Variants in LY9 observed in about 807,000 individuals in gnomAD.
The protein encoded by LY9 is lymphocyte antigen 9.
A neutral mutation model predicts 64.6 loss-of-function variants in LY9; 59 were observed. That is an observed-to-expected ratio of 0.91 (90% CI 0.74 to 1.13). LY9 has a LOEUF of 1.13. Ranked by LOEUF, LY9 falls within the 50% of genes most tolerant of loss-of-function variation. LY9 has a pLI of 0.00. For missense variants in LY9, 789 were observed against 797.2 expected (o/e 0.99, Z 0.12); for synonymous variants, 281 against 308.5 (o/e 0.91, Z 0.93).
At chr1:160,811,387 C>A (rs1026486934) in intron 2 of LY9, 3 of 152,186 alleles carry the variant, frequency 2.0e-5, no homozygotes, top group African/African-American at 7.2e-5. Context: ...AAGCCACAAT[C>A]TTTGTGTTCT....
At chr1:160,818,097 G>A in intron 5 of LY9, 121 bp from the exon 6 acceptor site, 2 of 680,868 alleles carry the variant, frequency 2.9e-6, no homozygotes, top group Middle Eastern at 5.0e-4. Context: ...TGAAAAGAAA[G>A]ACTTTCCACA....
At chr1:160,811,507 C>T (rs1265847583) in intron 2 of LY9, 1 of 152,234 alleles carries the variant, frequency 6.6e-6, no homozygotes. Context: ...CTCTCTCTCT[C>T]TTCTCACATT....
Position 160,816,804 on chromosome 1 carries a change from C to T in LY9, c.1283C>T (p.Thr428Ile), listed in dbSNP as rs771661917. 51 of 1,614,256 alleles carry T rather than the reference C, an allele frequency of 3.2e-5. No homozygotes were observed. The highest frequency in any genetic ancestry group is 4.2e-5 in the Non-Finnish European group (50 of 1,180,042). The stretch of plus-strand genomic sequence containing the variant: ...GAAAATCACCCCAACCTCACATGCA[C>T]AGCCAGCAACCCTGTCAGCAGGAGT... ...SSENHPNLTC[T>I]ASNPVSRSSH... The change falls in exon 5 of 10, where the codon ACA (threonine) becomes ATA (isoleucine). Residue 428 changes from threonine to isoleucine, a missense_variant. Coordinates refer to ENST00000263285, the MANE Select transcript of LY9 (RefSeq NM_002348.4).
At chr1:160,823,369 C>A in intron 7 of LY9, 96 bp from the exon 8 acceptor site, 1 of 872,488 alleles carries the variant, frequency 1.1e-6, no homozygotes, top group Non-Finnish European at 1.8e-6. Context: ...TAGGCCTCAT[C>A]TAATGCAGGC....
intron 6 of LY9, 75 bp downstream of exon 6, chr1:160,818,394 C>G (rs1035204799): frequency 1.8e-6 from 2 of 1,086,276 alleles, no homozygotes; most frequent in African/African-American, 3.1e-5. Flanking sequence ...TCTCTGCCCT[C>G]ACACAATCCC....
intron 2 of LY9, chr1:160,811,782 T>G (rs889401696): frequency 6.6e-6 from 1 of 152,228 alleles, no homozygotes; most frequent in South Asian, 2.1e-4. Context: ...TGATCACATA[T>G]GTATATCTCT....
At chr1:160,809,227 C>T (rs1261209014) in intron 2 of LY9, among the ~76,000 whole-genome samples, 1 of 151,368 alleles carries the variant, frequency 6.6e-6, no homozygotes, top group Non-Finnish European at 1.5e-5. Flanking sequence ...ACTACATCAC[C>T]TAGGCTTGCC....
intron 7 of LY9, among the ~76,000 whole-genome samples, chr1:160,821,956 A>G (rs1668488936): frequency 6.6e-6 from 1 of 152,214 alleles, no homozygotes; most frequent in Non-Finnish European, 1.5e-5. Flanking sequence ...ACAAAAAATA[A>G]ATACGGATAG....
At chr1:160,821,165 A>AAAAAC (rs1553192084) in intron 7 of LY9, among the ~76,000 whole-genome samples, 4 of 150,188 alleles carry the variant, frequency 2.7e-5, no homozygotes, top group African/African-American at 1.0e-4. Context: ...AAAAAAAAAA[A>AAAAAC]AAAACCATAT....
intron 2 of LY9, among the ~76,000 whole-genome samples, chr1:160,803,582 G>T (rs1024134599): frequency 2.6e-5 from 4 of 152,008 alleles, no homozygotes; most frequent in African/African-American, 9.7e-5. Context: ...TTTCTTTCTT[G>T]ATTAAATAAT....
chr1:160,827,610 G>A (rs149062971), intron 9 of LY9, 138 bp from the exon 10 acceptor site: 249 of 589,458 alleles, frequency 4.2e-4, no homozygotes, highest in Middle Eastern at 1.9e-3. Context: ...GGTTGATTGC[G>A]CCATCCCTGG....
In LY9 at chr1:160,821,890, C is replaced by T. The variant is rs146043727; in HGVS notation, c.1499-1575C>T. 2.7e-3 allele frequency among the ~76,000 whole-genome samples: 414 copies of T among 152,318 alleles called. 8 individuals are homozygous for T. The South Asian group carries it at 0.039, about 14-fold the overall frequency. ...AAGACTAGCTGTAGTCAAATCCTGG[C>T]CCTACCACTTACTCGGGAAAATACT... On this transcript the variant is annotated intron_variant, in intron 7 of 9. Transcript: ENST00000263285.
chr1:160,797,345 TAGATGC>T, intron 1 of LY9: 1 of 920,094 alleles, frequency 1.1e-6, no homozygotes, highest in South Asian at 5.1e-5. Context: ...GAAACACTCC[TAGATGC>T]AGATATGGGT....
chr1:160,800,391 C>G (rs1666340437), intron 2 of LY9, among the ~76,000 whole-genome samples: 1 of 152,144 alleles, frequency 6.6e-6, no homozygotes, highest in Admixed American at 6.6e-5. Flanking sequence ...ATCTTTCCAC[C>G]ATCCACTTCC....
chr1:160,813,726 G>C lies in LY9; in HGVS notation c.545G>C (p.Gly182Ala), dbSNP rs1394609653. The C allele has an allele frequency of 1.2e-6, 2 of 1,613,994 alleles. No individual in the cohort carries two copies. The highest frequency in any genetic ancestry group is 2.7e-5 in the African/African-American group (2 of 74,898). ...CNITLMCSVK[G>A]AEKSVLYSWT... ...ATCACTCTAATGTGCTCCGTGAAGG[G>C]GGCAGAGAAAAGTGTTCTGTACAGC... The change falls in exon 3 of 10, where the codon GGG becomes GCG. Residue 182 changes from glycine (G) to alanine (A), a missense_variant. Transcript: ENST00000263285.
chr1:160,819,214 G>A (rs1668185654), intron 6 of LY9, 107 bp from the exon 7 acceptor site: 1 of 869,326 alleles, frequency 1.2e-6, no homozygotes, highest in Non-Finnish European at 2.0e-6. Context: ...CCTTTTCCCT[G>A]TCTATGTCCC....
chr1:160,807,458 A>G (rs1667084424), intron 2 of LY9, among the ~76,000 whole-genome samples: 1 of 152,204 alleles, frequency 6.6e-6, no homozygotes, highest in Non-Finnish European at 1.5e-5. Flanking sequence ...TGGTGGCAGC[A>G]TACCTATCTT....
chr1:160,813,564 C>T lies in LY9; in HGVS notation c.455-72C>T. Reference sequence around the variant, plus strand: ...GCTGCCCCCAACTCCCCTATTGTCACTCCCTTCTTCTCTCAGCGCTTTCCT... The same window carrying T: ...GCTGCCCCCAACTCCCCTATTGTCATTCCCTTCTTCTCTCAGCGCTTTCCT... On this transcript the variant is annotated intron_variant, in intron 2 of 9. Transcript: ENST00000263285. 3 of 1,490,698 alleles carry T rather than the reference C, an allele frequency of 2.0e-6. No individual in the cohort carries two copies. In the Admixed American group the frequency reaches 5.7e-5, roughly 28 times the overall value. The allele number at this position is 1,490,698 out of a possible 1,614,324, so 92.3% of individuals were successfully genotyped here.
At chr1:160,810,494 G>A (rs572023724) in intron 2 of LY9, 1 of 152,232 alleles carries the variant, frequency 6.6e-6, no homozygotes, top group Non-Finnish European at 1.5e-5. Context: ...CGGTCATACT[G>A]TATTAGGGTT....
Sources: gnomAD v4.1 joint callset for allele counts (sites outside exome capture counted in the v4.1 genomes callset) on GRCh38, gnomAD v4.1.1 for gene constraint, MANE v1.5 for transcripts, NCBI Gene and HGNC (gene_info 2026-07-23, HGNC 2026-07-21) for gene names.